The following NBDY variants were observed in gnomAD, a reference collection of about 807,000 sequenced individuals.
NBDY encodes negative regulator of P-body association, also known as P-body dissociating protein.
intron 2 of NBDY, among the ~76,000 whole-genome samples, chrX:56,789,619 A>G (rs964679530): frequency 9.0e-6 from 1 of 111,212 alleles, no homozygotes; most frequent in Non-Finnish European, 1.9e-5. Context: ...GTTGGGTCGG[A>G]TGTTTGTTGA....
At chrX:56,748,119 G>A (rs780172996) in intron 2 of NBDY, among the ~76,000 whole-genome samples, 1 of 111,238 alleles carries the variant, frequency 9.0e-6, no homozygotes, top group East Asian at 2.8e-4. Context: ...AAATTATTTA[G>A]GATAATCTCC....
chrX:56,782,717 C>CT (rs2069701011), intron 2 of NBDY, among the ~76,000 whole-genome samples: 2 of 111,305 alleles, frequency 1.8e-5, no homozygotes, highest in East Asian at 2.8e-4. Context: ...CCCGTGTCTC[C>CT]TTTTTTTTCA....
At chrX:56,753,041 A>G (rs56311413) in intron 2 of NBDY, among the ~76,000 whole-genome samples, 98 of 112,781 alleles carry the variant, frequency 8.7e-4, no homozygotes, top group Non-Finnish European at 1.4e-3. Flanking sequence ...ATTTGAAGAG[A>G]CTGTGGAAGA....
intron 2 of NBDY, among the ~76,000 whole-genome samples, chrX:56,816,526 A>G (rs2069911463): frequency 9.0e-6 from 1 of 111,411 alleles, no homozygotes; most frequent in East Asian, 2.8e-4. Context: ...ACATCTTTCA[A>G]CAGTTAAAAT....
intron 2 of NBDY, among the ~76,000 whole-genome samples, chrX:56,754,465 T>C (rs1458333202): frequency 8.9e-6 from 1 of 111,744 alleles, no homozygotes; most frequent in Non-Finnish European, 1.9e-5. Context: ...GGATAGGCCA[T>C]ATATTAGGCC....
At chrX:56,801,129 A>AC (rs1372603666) in intron 2 of NBDY, among the ~76,000 whole-genome samples, 2 of 111,194 alleles carry the variant, frequency 1.8e-5, no homozygotes, top group Non-Finnish European at 3.8e-5. Context: ...TCGGAAAAGA[A>AC]CCCATCAACA....
chrX:56,761,363 TG>T (rs568461688), intron 2 of NBDY, among the ~76,000 whole-genome samples: 23 of 112,834 alleles, frequency 2.0e-4, no homozygotes, highest in South Asian at 7.4e-4. Context: ...CAATATTTGC[TG>T]GCGGAGGGTG....
intron 2 of NBDY, among the ~76,000 whole-genome samples, chrX:56,787,144 T>C (rs1475266614): frequency 1.8e-5 from 2 of 111,017 alleles, no homozygotes; most frequent in African/African-American, 6.6e-5. Flanking sequence ...GTCCATTTGC[T>C]GACTCTCACT....
intron 1 of NBDY, among the ~76,000 whole-genome samples, chrX:56,731,548 G>A (rs899154331): frequency 1.3e-4 from 14 of 110,158 alleles, no homozygotes; most frequent in Non-Finnish European, 2.3e-4. Flanking sequence ...TCCAGCCTGG[G>A]CGACAGACCG....
At chrX:56,739,286 A>ATATATGTATGTATATATATATATTTT (rs2069519240) in intron 2 of NBDY, among the ~76,000 whole-genome samples, 1 of 44,399 alleles carries the variant, frequency 2.3e-5, no homozygotes, top group Non-Finnish European at 3.7e-5. Flanking sequence ...ATATATTTTT[A>ATATATGTATGTATATATATATATTTT]TATATATATA....
intron 2 of NBDY, among the ~76,000 whole-genome samples, chrX:56,745,306 C>A (rs1255348163): frequency 9.0e-6 from 1 of 111,011 alleles, no homozygotes; most frequent in Non-Finnish European, 1.9e-5. Flanking sequence ...TTTCAGACTG[C>A]AGTTAATCAT....
At chrX:56,766,899 A>G (rs1179387871) in intron 2 of NBDY, among the ~76,000 whole-genome samples, 1 of 112,428 alleles carries the variant, frequency 8.9e-6, no homozygotes. Flanking sequence ...AGACAGCCTG[A>G]GCAGAGTCAG....
rs1284256392 is a variant in NBDY, at chrX:56,750,784, A to G, written c.*166+18585A>G. Among the ~76,000 whole-genome samples, 6 of 111,441 alleles carry G rather than the reference A, an allele frequency of 5.4e-5. No individual in the cohort carries two copies. In the East Asian group the frequency reaches 1.4e-3, roughly 26 times the overall value. On this transcript the variant is annotated intron_variant, in intron 2 of 2. Coordinates refer to ENST00000374922, the MANE Select transcript of NBDY (RefSeq NM_001348129.2). ...AAAATATTCCATGATTTTTTCTTCT[A>G]TCTTTCATTTCCAAAACTCTAGTCC...
chrX:56,766,362 GAC>G (rs1385006503), intron 2 of NBDY, among the ~76,000 whole-genome samples: 6 of 111,677 alleles, frequency 5.4e-5, no homozygotes, highest in Non-Finnish European at 1.1e-4. Context: ...GGCACACACA[GAC>G]ACACATGCAG....
intron 2 of NBDY, among the ~76,000 whole-genome samples, chrX:56,793,906 C>G (rs2069777151): frequency 8.9e-6 from 1 of 112,149 alleles, no homozygotes; most frequent in Admixed American, 9.4e-5. Flanking sequence ...GCTCCTTTTC[C>G]TCCCGGGAGG....
At chrX:56,803,351 G>A (rs768441822) in intron 2 of NBDY, among the ~76,000 whole-genome samples, 2 of 111,683 alleles carry the variant, frequency 1.8e-5, no homozygotes, top group African/African-American at 3.3e-5. Flanking sequence ...GAGGATAGGG[G>A]ACCTCTGGCC....
intron 2 of NBDY, among the ~76,000 whole-genome samples, chrX:56,788,319 G>T (rs1443996676): frequency 8.8e-6 from 1 of 113,112 alleles, no homozygotes; most frequent in Non-Finnish European, 1.9e-5. Flanking sequence ...GTTGGCATTT[G>T]TGGAGCCATA....
intron 2 of NBDY, among the ~76,000 whole-genome samples, chrX:56,795,678 C>A (rs1043786042): frequency 4.5e-5 from 5 of 112,192 alleles, no homozygotes; most frequent in Non-Finnish European, 7.5e-5. Context: ...TATGGGCCTG[C>A]ACTCTCTGGG....
At chrX:56,783,163 GA>G (rs1254190475) in intron 2 of NBDY, among the ~76,000 whole-genome samples, 1 of 112,804 alleles carries the variant, frequency 8.9e-6, no homozygotes, top group Non-Finnish European at 1.9e-5. Flanking sequence ...GACAAGAGAG[GA>G]ACTCCTTGCT....
Sources: gnomAD v4.1 joint callset for allele counts (sites outside exome capture counted in the v4.1 genomes callset) on GRCh38, gnomAD v4.1.1 for gene constraint, MANE v1.5 for transcripts, NCBI Gene and HGNC (gene_info 2026-07-23, HGNC 2026-07-21) for gene names.